Variants in TGFBRAP1 observed in about 807,000 individuals in gnomAD.
TGFBRAP1 encodes transforming growth factor-beta receptor-associated protein 1.
A neutral mutation model predicts 83.2 loss-of-function variants in TGFBRAP1; 20 were observed. The ratio of observed to expected loss-of-function variants is 0.24; its 90% CI spans 0.17 to 0.35. The LOEUF (loss-of-function observed/expected upper bound fraction) is 0.35. TGFBRAP1 is among the 10% of genes least tolerant of loss of function. TGFBRAP1 has a pLI of 1.00. For missense variants in TGFBRAP1, 950 were observed against 1,099.4 expected (o/e 0.86, Z 1.92); for synonymous variants, 415 against 459.8 (o/e 0.90, Z 1.25).
intron 7 of TGFBRAP1, among the ~76,000 whole-genome samples, chr2:105,276,250 T>G (rs1052165485): frequency 2.0e-5 from 3 of 152,192 alleles, no homozygotes; most frequent in African/African-American, 7.2e-5. Context: ...GATAAAAGCC[T>G]TTTGCTTTTT....
chr2:105,271,172 T>C (rs1677143285), intron 10 of TGFBRAP1, among the ~76,000 whole-genome samples: 1 of 152,194 alleles, frequency 6.6e-6, no homozygotes, highest in Non-Finnish European at 1.5e-5. Context: ...CTTCTAGAAC[T>C]GTACCTGCCC....
chr2:105,259,818 C>A (rs776477568), downstream of TGFBRAP1, among the ~76,000 whole-genome samples: 1 of 152,030 alleles, frequency 6.6e-6, no homozygotes, highest in Non-Finnish European at 1.5e-5. Flanking sequence ...GATGGGGAAA[C>A]CTTTGTGCCT....
chr2:105,322,264 T>C (rs543571359), intron 1 of TGFBRAP1, among the ~76,000 whole-genome samples: 2 of 152,332 alleles, frequency 1.3e-5, no homozygotes, highest in South Asian at 4.1e-4. Flanking sequence ...TTCAGCTACA[T>C]GTTATTACAA....
downstream of TGFBRAP1, among the ~76,000 whole-genome samples, chr2:105,263,641 G>T (rs1337454076): frequency 6.6e-6 from 1 of 152,158 alleles, no homozygotes; most frequent in Non-Finnish European, 1.5e-5. Context: ...ATTTTAGGAG[G>T]CCAAGGCAGG....
At chr2:105,278,469 T>C (rs1677423917) in intron 6 of TGFBRAP1, among the ~76,000 whole-genome samples, 1 of 152,062 alleles carries the variant, frequency 6.6e-6, no homozygotes, top group Non-Finnish European at 1.5e-5. Context: ...TCAGGGAGCG[T>C]CCTGGGGGAG....
chr2:105,271,991 T>G (rs1558812273), intron 10 of TGFBRAP1, among the ~76,000 whole-genome samples: 1 of 152,200 alleles, frequency 6.6e-6, no homozygotes, highest in African/African-American at 2.4e-5. Context: ...AGTGCTGAAG[T>G]GCTGCCTAGC....
chr2:105,307,226 G>A (rs183955237), intron 2 of TGFBRAP1, among the ~76,000 whole-genome samples: 3 of 152,226 alleles, frequency 2.0e-5, no homozygotes, highest in Non-Finnish European at 1.5e-5. Context: ...CTTTCAGAAC[G>A]TACTGTCTCT....
intron 1 of TGFBRAP1, among the ~76,000 whole-genome samples, chr2:105,323,844 C>T (rs1040260880): frequency 1.3e-5 from 2 of 152,158 alleles, no homozygotes; most frequent in Non-Finnish European, 2.9e-5. Flanking sequence ...TCTTGAGATA[C>T]TGATGTGGTT....
chr2:105,275,208 GA>G (rs534543467), intron 8 of TGFBRAP1, among the ~76,000 whole-genome samples: 7 of 152,306 alleles, frequency 4.6e-5, no homozygotes, highest in Admixed American at 4.6e-4. Flanking sequence ...TCCTGCTCCA[GA>G]AAACAGCAGT....
At chr2:105,272,256 C>A (rs1279858180) in intron 10 of TGFBRAP1, among the ~76,000 whole-genome samples, 37 of 152,146 alleles carry the variant, frequency 2.4e-4, no homozygotes, top group Admixed American at 2.4e-3. Context: ...GAACAGAAAC[C>A]CAAATGCCCT....
At position 105,273,585 on chromosome 2, in the gene TGFBRAP1, C is replaced by A. The variant is rs1346053675; in HGVS notation, c.1771G>T (p.Val591Leu). 1.9e-6 allele frequency: 3 copies of A among 1,614,074 alleles called. No individual in the cohort carries two copies. The highest frequency in any genetic ancestry group is 2.7e-5 in the African/African-American group (2 of 74,924). Residue 591 changes from valine to leucine, a missense_variant, in exon 9 of 12, where the codon GTG becomes TTG. Coordinates refer to ENST00000393359, the MANE Select transcript of TGFBRAP1 (RefSeq NM_004257.6). ...NCLKKYPKAL[V>L]KYLEHLVIDK... ...ATCACAAGATGTTCCAGATACTTCACAAGGGCTTTAGGGTATTTTTTAAGG... is the reference window on the plus strand; with the variant it reads ...ATCACAAGATGTTCCAGATACTTCAAAAGGGCTTTAGGGTATTTTTTAAGG...
intron 1 of TGFBRAP1, among the ~76,000 whole-genome samples, chr2:105,325,313 A>G (rs1396310501): frequency 1.3e-5 from 2 of 152,176 alleles, no homozygotes; most frequent in African/African-American, 4.8e-5. Flanking sequence ...TTGGTGGGAT[A>G]CTGCACACTC....
At chr2:105,322,848 C>A (rs1679108054) in intron 1 of TGFBRAP1, among the ~76,000 whole-genome samples, 1 of 152,128 alleles carries the variant, frequency 6.6e-6, no homozygotes, top group Non-Finnish European at 1.5e-5. Context: ...CATATATTAG[C>A]TCTAAAAACC....
At chr2:105,301,999 T>C (rs116282870) in intron 2 of TGFBRAP1, among the ~76,000 whole-genome samples, 1,553 of 26,432 alleles carry the variant, frequency 0.059, 38 homozygotes, top group African/African-American at 0.2. Flanking sequence ...CTCAAACATA[T>C]AAAGAATACT....
At chr2:105,306,513 G>A (rs1326129950) in intron 2 of TGFBRAP1, among the ~76,000 whole-genome samples, 2 of 152,112 alleles carry the variant, frequency 1.3e-5, no homozygotes, top group African/African-American at 4.8e-5. Flanking sequence ...AAAGATGCAT[G>A]CTGGCCAGGC....
Position 105,298,504 on chromosome 2 carries a change from T to C in TGFBRAP1, c.883+7A>G. The C allele has an allele frequency of 6.4e-7, 1 of 1,565,758 alleles. No individual in the cohort carries two copies. Among genetic ancestry groups the C allele is most frequent in the Non-Finnish European group, 8.7e-7 (1 of 1,153,280 alleles). On this transcript the variant is annotated splice_region_variant and intron_variant, in intron 3 of 11. Coordinates refer to ENST00000393359, the MANE Select transcript of TGFBRAP1 (RefSeq NM_004257.6). ...AATTTCACTAAGACTTCTATGTGAA[T>C]GAGTACCTTCAAAGTCCTGTAGGAT...
At chr2:105,285,334 A>G (rs578090530) in intron 4 of TGFBRAP1, among the ~76,000 whole-genome samples, 76 of 152,346 alleles carry the variant, frequency 5.0e-4, no homozygotes, top group African/African-American at 1.7e-3. Flanking sequence ...TCTGCCATTC[A>G]GTCGGTGCTT....
rs1676911513 is a variant in TGFBRAP1, at chr2:105,265,824, C to T, written c.*1559G>A. On this transcript the variant is annotated 3_prime_UTR_variant, in exon 12 of 12. Transcript: ENST00000393359. ...ACACATGGATGTTTTTGCTTCTTGA[C>T]CCACTTAGAGTCCCAAAAGGACAAA... is the stretch of plus-strand genomic sequence containing the variant. The T allele has an allele frequency of 6.6e-6, 1 of 152,188 alleles. No homozygotes were observed. The highest frequency in any genetic ancestry group is 2.4e-5 in the African/African-American group (1 of 41,446). The allele number at this position is 152,188 out of a possible 1,614,324, so 9.4% of individuals were successfully genotyped here. A position where few individuals can be genotyped will look rare whatever the true frequency, so the allele number is the denominator to read the frequency against.
chr2:105,294,879 C>G (rs1244032909), intron 4 of TGFBRAP1, among the ~76,000 whole-genome samples: 1 of 151,972 alleles, frequency 6.6e-6, no homozygotes, highest in Non-Finnish European at 1.5e-5. Context: ...AGGGAATACT[C>G]CACAGTGGCA....
Sources: gnomAD v4.1 joint callset for allele counts (sites outside exome capture counted in the v4.1 genomes callset) on GRCh38, gnomAD v4.1.1 for gene constraint, MANE v1.5 for transcripts, NCBI Gene and HGNC (gene_info 2026-07-23, HGNC 2026-07-21) for gene names.